The following TMEM245 variants were observed in gnomAD, a reference collection of about 807,000 sequenced individuals.
The protein encoded by TMEM245 is protein CG-2.
Under a neutral mutation model 101.2 loss-of-function variants are expected in TMEM245, and 69 were observed. The observed-to-expected ratio is 0.68, with a 90% confidence interval of 0.56 to 0.83. The LOEUF is 0.83. TMEM245 is among the 40% of genes least tolerant of loss of function. The pLI is 0.00. For synonymous variants in TMEM245, 537 were observed against 449.8 expected (o/e 1.19, Z -2.45); for missense variants, 1,075 against 1,092.8 (o/e 0.98, Z 0.23).
chr9:109,038,051 A>AGT lies in TMEM245; in HGVS notation c.2188_2189dup (p.Met731LeufsTer14). 3.7e-6 allele frequency: 6 copies of AGT among 1,613,326 alleles called. No homozygotes were observed. The highest frequency in any genetic ancestry group is 5.1e-6 in the Non-Finnish European group (6 of 1,179,620). On this transcript the variant is annotated frameshift_variant, in exon 15 of 18. Coordinates refer to ENST00000374586, the MANE Select transcript of TMEM245 (RefSeq NM_032012.4). LOFTEE classifies it high-confidence loss of function. ...TGAAGACAATATTGATGCCAAACATAGTATGAGTCAGCCAGGTATACAATC... is the reference window on the plus strand; with the variant it reads ...TGAAGACAATATTGATGCCAAACATAGTGTATGAGTCAGCCAGGTATACAATC...
intron 2 of TMEM245, among the ~76,000 whole-genome samples, chr9:109,108,187 G>A (rs1263739815): frequency 6.6e-6 from 1 of 152,034 alleles, no homozygotes; most frequent in Non-Finnish European, 1.5e-5. Flanking sequence ...ACTCAGAAAT[G>A]ATATGAGAAT....
chr9:109,021,554 G>C (rs547851716), intron 17 of TMEM245, among the ~76,000 whole-genome samples: 12 of 152,152 alleles, frequency 7.9e-5, no homozygotes, highest in Non-Finnish European at 1.3e-4. Context: ...TCACTCTGTT[G>C]CCCAGGCTGG....
chr9:109,020,497 C>T lies in TMEM245; in HGVS notation c.2603G>A (p.Arg868His), dbSNP rs375904434. The T allele has an allele frequency of 9.3e-6, 15 of 1,613,786 alleles. No individual in the cohort carries two copies. Among genetic ancestry groups the T allele is most frequent in the African/African-American group, 6.7e-5 (5 of 74,886 alleles). Residue 868 changes from arginine (R) to histidine (H), a missense_variant, in exon 18 of 18, where the codon CGT becomes CAT. By Grantham distance (29) the Arg-to-His change is conservative (BLOSUM62 0). This residue lies in a region of TMEM245 where 267 missense variants were observed against 351.3 expected (regional missense o/e 0.76). Transcript: ENST00000374586. Reference protein sequence around the residue: ...PWPAQPQRTFRDISEDLKSSV... With the variant: ...PWPAQPQRTFHDISEDLKSSV... Reference sequence around the variant, plus strand: ...AGATTTCAGATCTTCAGAAATGTCACGGAAAGTCCTAAAAGAAAAAAAGAC... The same window carrying T: ...AGATTTCAGATCTTCAGAAATGTCATGGAAAGTCCTAAAAGAAAAAAAGAC...
chr9:109,068,067 A>G (rs1317257857), intron 9 of TMEM245, among the ~76,000 whole-genome samples: 1 of 152,114 alleles, frequency 6.6e-6, no homozygotes, highest in Non-Finnish European at 1.5e-5. Context: ...AGTCTAAGCA[A>G]CTTCAAAAAG....
At chr9:109,030,347 T>C (rs1827909636) in intron 17 of TMEM245, among the ~76,000 whole-genome samples, 1 of 152,218 alleles carries the variant, frequency 6.6e-6, no homozygotes, top group Non-Finnish European at 1.5e-5. Context: ...GTCCTCACGT[T>C]ATCTTTTTCT....
intron 5 of TMEM245, among the ~76,000 whole-genome samples, chr9:109,089,583 A>T (rs1388910036): frequency 3.3e-5 from 5 of 152,214 alleles, no homozygotes; most frequent in Non-Finnish European, 7.3e-5. Context: ...GACTTAATAA[A>T]TTTGGCACAA....
chr9:109,119,789 A>G lies in TMEM245; in HGVS notation c.125T>C (p.Leu42Pro), dbSNP rs2132701604. 2 of 1,470,970 alleles carry G rather than the reference A, an allele frequency of 1.4e-6. No homozygotes were observed. The highest frequency in any genetic ancestry group is 2.6e-5 in the South Asian group (2 of 77,252). The allele number at this position is 1,470,970 out of a possible 1,614,324, so 91.1% of individuals were successfully genotyped here. A position where few individuals can be genotyped will look rare whatever the true frequency, so the allele number is the denominator to read the frequency against. Residue 42 changes from leucine (L) to proline (P), a missense_variant, in exon 1 of 18, where the codon CTG becomes CCG. This residue lies in a region of TMEM245 where 808 missense variants were observed against 741.5 expected (regional missense o/e 1.09). Transcript: ENST00000374586. Reference protein sequence around the residue: ...GGGETPRTAALALRFDKPIKQ... With the variant: ...GGGETPRTAAPALRFDKPIKQ... ...AATGGGCTTGTCGAAGCGCAGCGCC[A>G]GCGCCGCGGTCCGCGGGGTCTCCCC... is the stretch of plus-strand genomic sequence containing the variant.
chr9:109,020,458 C>T lies in TMEM245; in HGVS notation c.*2G>A. 6.2e-7 allele frequency: 1 copy of T among 1,614,074 alleles called. No homozygotes were observed. Among genetic ancestry groups the T allele is most frequent in the Non-Finnish European group, 8.5e-7 (1 of 1,179,934 alleles). On this transcript the variant is annotated 3_prime_UTR_variant, in exon 18 of 18. Coordinates refer to ENST00000374586, the MANE Select transcript of TMEM245 (RefSeq NM_032012.4). ...AGAAAAATCACTGCAGAGGAAACCA[C>T]ATCAACCTACTGAAGATTTCAGATC...
At chr9:109,100,432 T>C (rs1351599495) in intron 3 of TMEM245, among the ~76,000 whole-genome samples, 1 of 152,148 alleles carries the variant, frequency 6.6e-6, no homozygotes, top group Admixed American at 6.5e-5. Flanking sequence ...CAAACAATCC[T>C]CCATCTTCAA....
At chr9:109,119,294 G>T in intron 1 of TMEM245, 41 bp downstream of exon 1, 1 of 1,505,906 alleles carries the variant, frequency 6.6e-7, no homozygotes, top group Non-Finnish European at 8.8e-7. Flanking sequence ...AGAGCGCCGG[G>T]ACCACGGGCG....
rs966797680 is a variant in TMEM245, at chr9:109,018,548, A to T, written c.*1912T>A. ...AAGAGATCTGTATGCAGTCTACTCC[A>T]TATAGTCAAAAGATCTCATGGTAGC... On this transcript the variant is annotated 3_prime_UTR_variant, in exon 18 of 18. Coordinates refer to ENST00000374586, the MANE Select transcript of TMEM245 (RefSeq NM_032012.4). 8.5e-5 allele frequency: 13 copies of T among 152,224 alleles called. No individual in the cohort carries two copies. The highest frequency in any genetic ancestry group is 3.1e-4 in the African/African-American group (13 of 41,454). The allele number at this position is 152,224 out of a possible 1,614,324, so 9.4% of individuals were successfully genotyped here. A position where few individuals can be genotyped will look rare whatever the true frequency, so the allele number is the denominator to read the frequency against.
At chr9:109,073,862 T>TG (rs997486728) in intron 8 of TMEM245, among the ~76,000 whole-genome samples, 7 of 148,654 alleles carry the variant, frequency 4.7e-5, no homozygotes, top group Middle Eastern at 3.4e-3. Context: ...TTTTGTTTTT[T>TG]TTTTTTTTTT....
At chr9:109,045,223 C>T (rs1252122940) in intron 14 of TMEM245, among the ~76,000 whole-genome samples, 2 of 152,178 alleles carry the variant, frequency 1.3e-5, no homozygotes, top group Non-Finnish European at 2.9e-5. Flanking sequence ...CCCACCCCTT[C>T]CCAGCCCCAA....
At chr9:109,096,549 C>A (rs1485220789) in intron 3 of TMEM245, among the ~76,000 whole-genome samples, 1 of 152,274 alleles carries the variant, frequency 6.6e-6, no homozygotes, top group African/African-American at 2.4e-5. Context: ...CTGACCTACA[C>A]CAGAGATGGG....
intron 3 of TMEM245, 28 bp from the exon 4 acceptor site, chr9:109,093,619 C>A (rs370167202): frequency 6.9e-5 from 108 of 1,571,916 alleles, no homozygotes; most frequent in Non-Finnish European, 8.8e-5. Flanking sequence ...ATTTTCAAAA[C>A]TCTTTAAAGT....
chr9:109,075,966 C>T (rs1277635436), intron 8 of TMEM245, among the ~76,000 whole-genome samples: 2 of 152,168 alleles, frequency 1.3e-5, no homozygotes, highest in Non-Finnish European at 2.9e-5. Context: ...CAAATATAAG[C>T]ATTTAATGAC....
rs568924632 is a variant in TMEM245 at position 109,037,846 on chromosome 9, TAAACA to T, written c.2224+166_2224+170del. 3.5e-4 allele frequency among the ~76,000 whole-genome samples: 53 copies of T among 152,278 alleles called. No individual in the cohort carries two copies. In the East Asian group the frequency reaches 3.7e-3, roughly 11 times the overall value. On this transcript the variant is annotated intron_variant, in intron 15 of 17. Transcript: ENST00000374586. ...GTTCCAGCTGCTGGGGATACAGCAATAAACAAACACATTACAAATCATATTTCTGT... is the reference window on the plus strand; with the variant it reads ...GTTCCAGCTGCTGGGGATACAGCAATAACACATTACAAATCATATTTCTGT...
At chr9:109,094,304 C>A (rs1270053493) in intron 3 of TMEM245, among the ~76,000 whole-genome samples, 1 of 152,190 alleles carries the variant, frequency 6.6e-6, no homozygotes. Flanking sequence ...CGGGTTCTAG[C>A]ACACTTTCTT....
intron 10 of TMEM245, 127 bp downstream of exon 10, chr9:109,064,350 T>C: frequency 2.6e-6 from 2 of 765,190 alleles, no homozygotes; most frequent in Non-Finnish European, 4.3e-6. Context: ...TGTATGTTGC[T>C]TACCTGTTTA....
Sources: allele counts gnomAD v4.1 joint callset (sites outside exome capture counted in the v4.1 genomes callset), GRCh38; gene constraint gnomAD v4.1.1; regional missense constraint gnomAD v4.1.1; transcripts MANE v1.5; gene names NCBI Gene and HGNC (gene_info 2026-07-23, HGNC 2026-07-21).